GRB14: variants seen among roughly 807,000 people sequenced by gnomAD.
GRB14 encodes growth factor receptor bound protein 14, also known as growth factor receptor-bound protein 14.
In GRB14, 38 loss-of-function variants were observed where a neutral mutation model predicts 69.1. The ratio of observed to expected loss-of-function variants is 0.55; its 90% CI spans 0.42 to 0.72. The LOEUF is 0.72. GRB14 is among the 30% of genes least tolerant of loss of function. The pLI is 0.00. For missense variants in GRB14, 666 were observed against 666.1 expected (o/e 1.00, Z 0.00); for synonymous variants, 247 against 241.3 (o/e 1.02, Z -0.22).
At chr2:164,620,887 G>C (rs1273110261) in intron 1 of GRB14, among the ~76,000 whole-genome samples, 1 of 152,226 alleles carries the variant, frequency 6.6e-6, no homozygotes, top group African/African-American at 2.4e-5. Flanking sequence ...CCGATGGGCA[G>C]AGGCGAGAGA....
At chr2:164,496,685 AAAG>A (rs1385846117) in intron 12 of GRB14, among the ~76,000 whole-genome samples, 6 of 152,350 alleles carry the variant, frequency 3.9e-5, no homozygotes, top group Admixed American at 6.5e-5. Context: ...TGACACTTAA[AAAG>A]AAGTTCATTT....
intron 2 of GRB14, among the ~76,000 whole-genome samples, chr2:164,582,802 C>T (rs1371139264): frequency 6.6e-6 from 1 of 152,216 alleles, no homozygotes; most frequent in Non-Finnish European, 1.5e-5. Context: ...CTGGTCTCCA[C>T]ACCGTCATGG....
chr2:164,577,915 T>C (rs1689291609), intron 2 of GRB14, among the ~76,000 whole-genome samples: 2 of 152,184 alleles, frequency 1.3e-5, no homozygotes, highest in South Asian at 4.1e-4. Flanking sequence ...AATTAGTTTA[T>C]AAATATGTTA....
chr2:164,497,279 T>C lies in GRB14; in HGVS notation c.1226A>G (p.Lys409Arg). 6.2e-7 allele frequency: 1 copy of C among 1,612,744 alleles called. No homozygotes were observed. Among genetic ancestry groups the C allele is most frequent in the Non-Finnish European group, 8.5e-7 (1 of 1,179,594 alleles). The change falls in exon 11 of 14, where the codon AAA becomes AGA. Residue 409 changes from lysine to arginine, a missense_variant. Lys to Arg is a conservative substitution (Grantham distance 26). Coordinates refer to ENST00000263915, the MANE Select transcript of GRB14 (RefSeq NM_004490.3). ...GTGAGTGCCCAGGCGTAAACATCCT[T>C]TTTTCTGAGCAAGGAAGGAGAAAAC... ...AVEEGLAWRK[K>R]GCLRLGTHGS...
At chr2:164,547,885 T>C (rs542328459) in intron 2 of GRB14, 69 bp from the exon 3 acceptor site, 1 of 1,123,610 alleles carries the variant, frequency 8.9e-7, no homozygotes, top group Non-Finnish European at 1.3e-6. Flanking sequence ...TTTTATTGTA[T>C]ATATTTAAAG....
At chr2:164,554,693 AC>A (rs1688634279) in intron 2 of GRB14, among the ~76,000 whole-genome samples, 1 of 152,118 alleles carries the variant, frequency 6.6e-6, no homozygotes, top group Non-Finnish European at 1.5e-5. Context: ...CAAATTTAAT[AC>A]GTAGTCACTG....
chr2:164,534,279 T>G (rs1688024673), intron 3 of GRB14, among the ~76,000 whole-genome samples: 1 of 152,180 alleles, frequency 6.6e-6, no homozygotes, highest in Non-Finnish European at 1.5e-5. Context: ...AATTTATATA[T>G]CACCATCCCA....
chr2:164,505,365 A>G (rs1029521337), intron 8 of GRB14, among the ~76,000 whole-genome samples: 4 of 152,216 alleles, frequency 2.6e-5, no homozygotes, highest in African/African-American at 9.6e-5. Context: ...TTTAACATCT[A>G]TAAATTCAAC....
intron 2 of GRB14, among the ~76,000 whole-genome samples, chr2:164,570,917 T>C (rs1377053710): frequency 6.6e-6 from 1 of 152,220 alleles, no homozygotes; most frequent in Non-Finnish European, 1.5e-5. Flanking sequence ...TTCAGAACAC[T>C]GGAAAACTAA....
intron 2 of GRB14, among the ~76,000 whole-genome samples, chr2:164,572,243 A>G (rs964767543): frequency 1.3e-5 from 2 of 152,220 alleles, no homozygotes; most frequent in Non-Finnish European, 2.9e-5. Flanking sequence ...TCTAATACAA[A>G]AGTACCATCC....
chr2:164,533,558 G>A (rs539902621), intron 3 of GRB14, among the ~76,000 whole-genome samples: 25 of 152,050 alleles, frequency 1.6e-4, no homozygotes, highest in Non-Finnish European at 3.2e-4. Context: ...ATAAATATTT[G>A]CTAATTAACT....
At chr2:164,595,750 C>T (rs78993766) in intron 2 of GRB14, among the ~76,000 whole-genome samples, 2,015 of 152,188 alleles carry the variant, frequency 0.013, 39 homozygotes, top group African/African-American at 0.045. Flanking sequence ...GAAGAAGAGA[C>T]GGGTATGATC....
chr2:164,603,455 G>C (rs1461530172), intron 2 of GRB14, among the ~76,000 whole-genome samples: 1 of 152,074 alleles, frequency 6.6e-6, no homozygotes, highest in Non-Finnish European at 1.5e-5. Context: ...CCTGAGGTCA[G>C]GAGTTCGAGA....
At chr2:164,559,266 C>T (rs1688760085) in intron 2 of GRB14, among the ~76,000 whole-genome samples, 1 of 151,942 alleles carries the variant, frequency 6.6e-6, no homozygotes, top group African/African-American at 2.4e-5. Context: ...CTTCATTTTT[C>T]TAAATATTTA....
rs1217467066 is a variant in GRB14 at position 164,493,193 on chromosome 2, A to C, written c.1477-11T>G. ...ACCGTCATCTTCTACCTGCAAAAAG[A>C]AAAGCAACAAATAAGTAAAGAGGAT... On this transcript the variant is annotated splice_polypyrimidine_tract_variant and intron_variant, in intron 13 of 13. Coordinates refer to ENST00000263915, the MANE Select transcript of GRB14 (RefSeq NM_004490.3). 1 of 1,608,786 alleles carries C rather than the reference A, an allele frequency of 6.2e-7. No homozygotes were observed. The highest frequency in any genetic ancestry group is 1.3e-5 in the African/African-American group (1 of 74,884).
intron 3 of GRB14, among the ~76,000 whole-genome samples, chr2:164,536,725 C>CAACCTATG (rs1197992114): frequency 2.0e-5 from 3 of 152,218 alleles, no homozygotes; most frequent in Non-Finnish European, 4.4e-5. Flanking sequence ...CATAACATTA[C>CAACCTATG]AACCTATGGA....
intron 2 of GRB14, among the ~76,000 whole-genome samples, chr2:164,574,443 G>A (rs1689199464): frequency 1.3e-5 from 2 of 151,808 alleles, no homozygotes; most frequent in Non-Finnish European, 2.9e-5. Context: ...GGTTCACCAC[G>A]TTGGCCAGGA....
At chr2:164,570,689 T>C (rs1362638328) in intron 2 of GRB14, among the ~76,000 whole-genome samples, 1 of 152,188 alleles carries the variant, frequency 6.6e-6, no homozygotes, top group Non-Finnish European at 1.5e-5. Context: ...GTCTCAAAGT[T>C]TACTCTGAGG....
At chr2:164,524,127 G>C (rs1340632739) in intron 5 of GRB14, among the ~76,000 whole-genome samples, 1 of 152,048 alleles carries the variant, frequency 6.6e-6, no homozygotes, top group African/African-American at 2.4e-5. Flanking sequence ...AAAAATCCAT[G>C]ATAGCTCTGC....
Sources: allele counts gnomAD v4.1 joint callset (sites outside exome capture counted in the v4.1 genomes callset), GRCh38; gene constraint gnomAD v4.1.1; transcripts MANE v1.5; gene names NCBI Gene and HGNC (gene_info 2026-07-23, HGNC 2026-07-21).